Variants in ZBTB46 observed in about 807,000 individuals in gnomAD.
ZBTB46 encodes zinc finger and BTB domain-containing protein 46.
Under a neutral mutation model 44.1 loss-of-function variants are expected in ZBTB46, and 8 were observed. That is an observed-to-expected ratio of 0.18 (90% CI 0.11 to 0.33). The LOEUF is 0.33. Ranked by LOEUF, ZBTB46 falls within the 10% of genes least tolerant of loss-of-function variation. ZBTB46 has a pLI of 1.00. For synonymous variants in ZBTB46, 409 were observed against 382.3 expected (o/e 1.07, Z -0.81); for missense variants, 651 against 847.7 (o/e 0.77, Z 2.88).
rs1294881848 is a variant in ZBTB46, at chr20:63,787,854, C to T, written c.937+1967G>A. ...TCACTCCCGGCTCTCGCAGATCTCT[C>T]AGCGACGGAGAGGAGGGACCAGGGT... On this transcript the variant is annotated intron_variant, in intron 2 of 4. Transcript: ENST00000245663. The surrounding 1 kb of genome is among the most constrained non-coding windows in gnomAD (Gnocchi z 4.6). 1 of 152,274 alleles carries T rather than the reference C, an allele frequency of 6.6e-6. No individual in the cohort carries two copies. The highest frequency in any genetic ancestry group is 1.5e-5 in the Non-Finnish European group (1 of 68,064). The allele number at this position is 152,274 out of a possible 1,614,324, so 9.4% of individuals were successfully genotyped here. A position where few individuals can be genotyped will look rare whatever the true frequency, so the allele number is the denominator to read the frequency against.
intron 2 of ZBTB46, among the ~76,000 whole-genome samples, chr20:63,786,652 C>T (rs1034983068): frequency 7.2e-5 from 11 of 152,128 alleles, no homozygotes; most frequent in Non-Finnish European, 1.2e-4. Flanking sequence ...GCTGGGACTA[C>T]AGGCGCGCAC....
At chr20:63,821,453 T>TTC (rs2092791995) in intron 1 of ZBTB46, among the ~76,000 whole-genome samples, 1 of 151,236 alleles carries the variant, frequency 6.6e-6, no homozygotes, top group African/African-American at 2.4e-5. Flanking sequence ...TTTTTTTTTT[T>TTC]TCTGAGACGG....
chr20:63,772,752 CACACACACACA>C (rs1568850337), intron 3 of ZBTB46, among the ~76,000 whole-genome samples: 1 of 87,924 alleles, frequency 1.1e-5, no homozygotes, highest in African/African-American at 5.6e-5. Context: ...CACACACACA[CACACACACACA>C]CACAGAAGTG....
At chr20:63,771,883 C>T (rs1256792741) in intron 3 of ZBTB46, among the ~76,000 whole-genome samples, 1 of 152,290 alleles carries the variant, frequency 6.6e-6, no homozygotes, top group East Asian at 1.9e-4. Flanking sequence ...ACCTGTCCCC[C>T]GCCGAGTTCT....
In ZBTB46 at chr20:63,747,655, C is replaced by G. The variant is rs546529716; in HGVS notation, c.1399-354G>C. Among the ~76,000 whole-genome samples the G allele has an allele frequency of 5.9e-5, 9 of 152,116 alleles. No individual in the cohort carries two copies. In the East Asian group the frequency reaches 1.7e-3, roughly 29 times the overall value. On this transcript the variant is annotated intron_variant, in intron 4 of 4. Coordinates refer to ENST00000245663, the MANE Select transcript of ZBTB46 (RefSeq NM_001369741.1). The stretch of plus-strand genomic sequence containing the variant: ...TGGGGGAGGTGCGCAGACAGGAGTG[C>G]TCAGACCTTGAGCCCCAGCTCCTAT...
intron 1 of ZBTB46, among the ~76,000 whole-genome samples, chr20:63,800,390 C>G (rs1052175438): frequency 1.3e-5 from 2 of 152,206 alleles, no homozygotes; most frequent in African/African-American, 4.8e-5. Flanking sequence ...TGAGAGTTGA[C>G]AGCATGCTGG....
At chr20:63,829,262 T>A (rs192829747) in intron 1 of ZBTB46, among the ~76,000 whole-genome samples, 1 of 152,286 alleles carries the variant, frequency 6.6e-6, no homozygotes, top group Admixed American at 6.5e-5. Context: ...GGAGTGGAAC[T>A]CAGGTCTGAG....
Position 63,772,720 on chromosome 20 carries a change from AAAACACACACACACACAC to A in ZBTB46, c.1222+2940_1222+2957del, listed in dbSNP as rs1195533294. On this transcript the variant is annotated intron_variant, in intron 3 of 4. Transcript: ENST00000245663. ...GGCAAGAGAGCGAGACCCTGTCTCA[AAAACACACACACACACAC>A]ACACACACACACACACACACACACA... Among the ~76,000 whole-genome samples the A allele has an allele frequency of 6.4e-3, 721 of 113,248 alleles. 5 individuals carry two copies. The highest frequency in any genetic ancestry group is 0.025 in the African/African-American group (694 of 27,862). The allele number at this position is 113,248 out of a possible 152,430, so 74.3% of individuals were successfully genotyped here. A position where few individuals can be genotyped will look rare whatever the true frequency, so the allele number is the denominator to read the frequency against.
intron 2 of ZBTB46, among the ~76,000 whole-genome samples, chr20:63,782,308 A>G (rs1005855696): frequency 6.6e-6 from 1 of 152,042 alleles, no homozygotes; most frequent in Non-Finnish European, 1.5e-5. Context: ...AAACGGACCC[A>G]CCAGGGCCCC....
chr20:63,812,467 C>A (rs1051078974), intron 1 of ZBTB46, among the ~76,000 whole-genome samples: 10 of 152,032 alleles, frequency 6.6e-5, no homozygotes, highest in African/African-American at 2.2e-4. Flanking sequence ...CATGGTAAAA[C>A]CCCGTCTCTA....
At chr20:63,807,472 G>C (rs6011129) in intron 1 of ZBTB46, among the ~76,000 whole-genome samples, 27,120 of 152,000 alleles carry the variant, frequency 0.18, 2,938 homozygotes, top group East Asian at 0.45. Flanking sequence ...AGCCTCCCCA[G>C]TATCTCGGAC....
At position 63,775,731 on chromosome 20, in the gene ZBTB46, TCCCC is replaced by T; in HGVS notation, c.1165_1168del (p.Gly389MetfsTer19). The T allele has an allele frequency of 6.2e-7, 1 of 1,610,266 alleles. No homozygotes were observed. Among genetic ancestry groups the T allele is most frequent in the Non-Finnish European group, 8.5e-7 (1 of 1,178,028 alleles). On this transcript the variant is annotated frameshift_variant, in exon 3 of 5. Transcript: ENST00000245663. LOFTEE classifies it high-confidence loss of function. ...GTACTCGAACAGCAGGGAGCCGTCA[TCCCC>T]CAGCACGTCGGCCTTCAGCGACAGC...
intron 4 of ZBTB46, among the ~76,000 whole-genome samples, chr20:63,751,521 G>A (rs184676801): frequency 3.3e-5 from 5 of 152,246 alleles, no homozygotes; most frequent in Non-Finnish European, 7.4e-5. Context: ...CTTGACCTCA[G>A]GGAGCTCCCA....
intron 3 of ZBTB46, among the ~76,000 whole-genome samples, chr20:63,765,892 T>C (rs1465793020): frequency 6.6e-6 from 1 of 152,194 alleles, no homozygotes; most frequent in Non-Finnish European, 1.5e-5. Context: ...TCTACAATTT[T>C]TAAATTGTTT....
rs1165255216 is a variant in ZBTB46, at chr20:63,767,166, C to T, written c.1222+8512G>A. ...GCGCCGCGCACATGCCAGGCACACA[C>T]CGCCAAGGACGCCGTGGCAGGCTTT... On this transcript the variant is annotated intron_variant, in intron 3 of 4. Coordinates refer to ENST00000245663, the MANE Select transcript of ZBTB46 (RefSeq NM_001369741.1). This position sits in a 1 kb window ranked among gnomAD's most constrained non-coding sequence, Gnocchi z 5.0. 6.6e-6 allele frequency among the ~76,000 whole-genome samples: 1 copy of T among 152,250 alleles called. No individual in the cohort carries two copies. Among genetic ancestry groups the T allele is most frequent in the Non-Finnish European group, 1.5e-5 (1 of 68,034 alleles).
At chr20:63,783,290 G>A (rs979910607) in intron 2 of ZBTB46, among the ~76,000 whole-genome samples, 3 of 152,144 alleles carry the variant, frequency 2.0e-5, no homozygotes, top group Non-Finnish European at 2.9e-5. Flanking sequence ...TCAGCTGGGC[G>A]TGGTGGCACG....
chr20:63,823,430 A>G (rs2092803154), intron 1 of ZBTB46, among the ~76,000 whole-genome samples: 1 of 151,374 alleles, frequency 6.6e-6, no homozygotes, highest in African/African-American at 2.4e-5. Flanking sequence ...CCCAGGAAGC[A>G]GAGGTTGCAG....
At chr20:63,747,820 G>C (rs1381898948) in intron 4 of ZBTB46, among the ~76,000 whole-genome samples, 1 of 152,136 alleles carries the variant, frequency 6.6e-6, no homozygotes, top group Non-Finnish European at 1.5e-5. Context: ...GTGTGTCCAA[G>C]CACCCCCACC....
intron 4 of ZBTB46, among the ~76,000 whole-genome samples, chr20:63,751,676 G>A (rs1296800889): frequency 5.6e-5 from 7 of 125,786 alleles, no homozygotes; most frequent in African/African-American, 1.9e-4. Flanking sequence ...ATGAAGCCCC[G>A]CCCCCCGGTG....
Sources: allele counts gnomAD v4.1 joint callset (sites outside exome capture counted in the v4.1 genomes callset), GRCh38; gene constraint gnomAD v4.1.1; non-coding constraint Gnocchi (gnomAD v3.1); transcripts MANE v1.5; gene names NCBI Gene and HGNC (gene_info 2026-07-23, HGNC 2026-07-21).